DENND1B: variants seen among roughly 807,000 people sequenced by gnomAD.
The protein encoded by DENND1B is DENN domain containing 1B, also known as DENN domain-containing protein 1B.
A neutral mutation model predicts 90.1 loss-of-function variants in DENND1B; 59 were observed. That is an observed-to-expected ratio of 0.65 (90% CI 0.53 to 0.81). The LOEUF is 0.81. Ranked by LOEUF, DENND1B falls within the 40% of genes least tolerant of loss-of-function variation. The probability of loss-of-function intolerance (pLI) is 0.00; values close to 1 mark genes in which losing one functional copy is unlikely to be tolerated. For synonymous variants in DENND1B, 337 were observed against 324.6 expected, an observed-to-expected ratio of 1.04 and a Z score of -0.41; for missense variants, 862 against 912.6, an observed-to-expected ratio of 0.94 and a Z score of 0.71.
chr1:197,685,273 T>C (rs1443259432), intron 3 of DENND1B, among the ~76,000 whole-genome samples: 1 of 152,186 alleles, frequency 6.6e-6, no homozygotes, highest in Non-Finnish European at 1.5e-5. Flanking sequence ...TGACAGACTA[T>C]TTCATCTTAA....
At chr1:197,700,759 C>T (rs1387090822) in intron 3 of DENND1B, among the ~76,000 whole-genome samples, 1 of 151,994 alleles carries the variant, frequency 6.6e-6, no homozygotes, top group Admixed American at 6.6e-5. Context: ...AAAACAACCC[C>T]ATCAAAAAGT....
At chr1:197,577,460 A>G (rs1332350123) in intron 15 of DENND1B, among the ~76,000 whole-genome samples, 1 of 152,176 alleles carries the variant, frequency 6.6e-6, no homozygotes, top group Non-Finnish European at 1.5e-5. Flanking sequence ...AGAAATACAC[A>G]TTTATATTAC....
intron 20 of DENND1B, among the ~76,000 whole-genome samples, chr1:197,538,622 G>A (rs187533978): frequency 6.7e-6 from 1 of 149,778 alleles, no homozygotes; most frequent in East Asian, 2.0e-4. Context: ...AAAGTGTGTG[G>A]CATATAGTGT....
intron 3 of DENND1B, among the ~76,000 whole-genome samples, chr1:197,680,024 C>T (rs928990188): frequency 3.3e-5 from 5 of 151,862 alleles, no homozygotes; most frequent in Non-Finnish European, 5.9e-5. Flanking sequence ...GTGGCATGCA[C>T]CTATAGTCCC....
intron 2 of DENND1B, among the ~76,000 whole-genome samples, chr1:197,751,876 G>A (rs1322985121): frequency 2.7e-5 from 4 of 147,250 alleles, no homozygotes; most frequent in Non-Finnish European, 6.0e-5. Context: ...GAAGAAGGAG[G>A]AGGAGGAGGA....
At chr1:197,722,553 T>C (rs80056952) in intron 2 of DENND1B, among the ~76,000 whole-genome samples, 2,660 of 152,236 alleles carry the variant, frequency 0.017, 73 homozygotes, top group African/African-American at 0.06. Context: ...TGTAAAACAA[T>C]GGCCTAAATC....
At chr1:197,641,699 A>G (rs1393937372) in intron 10 of DENND1B, among the ~76,000 whole-genome samples, 1 of 152,014 alleles carries the variant, frequency 6.6e-6, no homozygotes, top group African/African-American at 2.4e-5. Flanking sequence ...GAATCAAAAG[A>G]CTCAATTTCA....
chr1:197,559,942 T>A (rs1002670799), intron 15 of DENND1B, among the ~76,000 whole-genome samples: 1 of 151,886 alleles, frequency 6.6e-6, no homozygotes, highest in Non-Finnish European at 1.5e-5. Flanking sequence ...AAATTAAGTA[T>A]GTGGGAGAAT....
At chr1:197,750,166 A>G (rs1653280240) in intron 2 of DENND1B, among the ~76,000 whole-genome samples, 1 of 152,218 alleles carries the variant, frequency 6.6e-6, no homozygotes, top group South Asian at 2.1e-4. Flanking sequence ...TTTCATATAG[A>G]AAAAATAGTG....
intron 20 of DENND1B, among the ~76,000 whole-genome samples, chr1:197,524,455 C>T (rs1324284538): frequency 6.6e-6 from 1 of 152,070 alleles, no homozygotes; most frequent in Non-Finnish European, 1.5e-5. Flanking sequence ...ACCATCCAAG[C>T]GGCACACTGT....
chr1:197,568,561 A>T (rs2125724549), intron 15 of DENND1B, among the ~76,000 whole-genome samples: 1 of 152,306 alleles, frequency 6.6e-6, no homozygotes, highest in Non-Finnish European at 1.5e-5. Flanking sequence ...GAATAAAAGG[A>T]GCAAAGCTGG....
upstream of DENND1B, among the ~76,000 whole-genome samples, chr1:197,776,683 C>G (rs1168157106): frequency 6.6e-6 from 1 of 152,090 alleles, no homozygotes; most frequent in African/African-American, 2.4e-5. Flanking sequence ...GTCAGAGAAC[C>G]TGAAGTTGCA....
chr1:197,659,205 T>C, intron 5 of DENND1B, among the ~76,000 whole-genome samples: 1 of 151,560 alleles, frequency 6.6e-6, no homozygotes, highest in East Asian at 1.9e-4. Flanking sequence ...TTGTGATGCT[T>C]TTACTACATA....
At chr1:197,683,828 T>G (rs978859611) in intron 3 of DENND1B, among the ~76,000 whole-genome samples, 6 of 152,226 alleles carry the variant, frequency 3.9e-5, no homozygotes, top group Non-Finnish European at 5.9e-5. Flanking sequence ...TCAACCACTT[T>G]TGATTTTATA....
chr1:197,656,305 C>T (rs1258512422), intron 6 of DENND1B, among the ~76,000 whole-genome samples: 1 of 151,668 alleles, frequency 6.6e-6, no homozygotes, highest in African/African-American at 2.4e-5. Context: ...ATAAGTAAAA[C>T]AAAGAAAAGA....
chr1:197,705,398 C>T (rs190828543), intron 3 of DENND1B, among the ~76,000 whole-genome samples: 1 of 152,158 alleles, frequency 6.6e-6, no homozygotes, highest in Admixed American at 6.5e-5. Context: ...AAACTAGAAT[C>T]CTAAGAGTTA....
At chr1:197,687,807 ACAGT>A (rs1657411150) in intron 3 of DENND1B, among the ~76,000 whole-genome samples, 1 of 152,102 alleles carries the variant, frequency 6.6e-6, no homozygotes, top group African/African-American at 2.4e-5. Context: ...ACTGGAAGTC[ACAGT>A]CAGAGCAATT....
intron 7 of DENND1B, among the ~76,000 whole-genome samples, chr1:197,648,766 C>T (rs1652769235): frequency 6.6e-6 from 1 of 152,122 alleles, no homozygotes; most frequent in Admixed American, 6.5e-5. Flanking sequence ...TGCTCTTTCC[C>T]CCAATTCTTT....
At position 197,555,415 on chromosome 1, in the gene DENND1B, A is replaced by T. The variant is rs139232003; in HGVS notation, c.1150-2303T>A. ...CAGCAAAAGAAACTATCAATGGAGT[A>T]AACAGACAACCTACAGAATGGGAGA... On this transcript the variant is annotated intron_variant, in intron 15 of 22. Coordinates refer to ENST00000620048, the MANE Select transcript of DENND1B (RefSeq NM_001195215.2). Among the ~76,000 whole-genome samples, 308 of 152,218 alleles carry T rather than the reference A, an allele frequency of 2.0e-3. 3 individuals carry two copies. The East Asian group carries it at 0.046, about 23-fold the overall frequency.
Sources: gnomAD v4.1 joint callset for allele counts (sites outside exome capture counted in the v4.1 genomes callset) on GRCh38, gnomAD v4.1.1 for gene constraint, MANE v1.5 for transcripts, NCBI Gene and HGNC (gene_info 2026-07-23, HGNC 2026-07-21) for gene names.